Variants in OXR1 observed in about 807,000 individuals in gnomAD.
The protein encoded by OXR1 is oxidation resistance 1.
OXR1 carries 41 observed loss-of-function variants against 104.6 expected under a neutral mutation model. The ratio of observed to expected loss-of-function variants is 0.39; its 90% CI spans 0.31 to 0.51. The LOEUF (loss-of-function observed/expected upper bound fraction) is 0.51. Ranked by LOEUF, OXR1 falls within the 20% of genes least tolerant of loss-of-function variation. The pLI, the probability that OXR1 is intolerant of heterozygous loss-of-function variation, is 0.77. For synonymous variants in OXR1, 348 were observed against 348.4 expected, an observed-to-expected ratio of 1.00 and a Z score of 0.01; for missense variants, 955 against 1,031.9, an observed-to-expected ratio of 0.93 and a Z score of 1.02.
chr8:106,300,611 C>T (rs1813191734), intron 1 of OXR1, among the ~76,000 whole-genome samples: 1 of 152,054 alleles, frequency 6.6e-6, no homozygotes, highest in Non-Finnish European at 1.5e-5. Flanking sequence ...TGCTGTTCTA[C>T]AAATATTCGA....
chr8:106,277,232 A>C (rs1339606371), intron 1 of OXR1, among the ~76,000 whole-genome samples: 1 of 152,232 alleles, frequency 6.6e-6, no homozygotes, highest in African/African-American at 2.4e-5. Flanking sequence ...CATTCTCTTT[A>C]GCACCACCCA....
At chr8:106,283,212 G>A (rs1409823048) in intron 1 of OXR1, among the ~76,000 whole-genome samples, 1 of 152,206 alleles carries the variant, frequency 6.6e-6, no homozygotes, top group Non-Finnish European at 1.5e-5. Context: ...TAGATTCTCT[G>A]TGGGCTTTCT....
intron 1 of OXR1, among the ~76,000 whole-genome samples, chr8:106,316,691 T>TTCTATCTA (rs10610619): frequency 0.017 from 2,237 of 132,268 alleles, 58 homozygotes; most frequent in African/African-American, 0.036. Flanking sequence ...CTCTCTTTTT[T>TTCTATCTA]TCTATCTATC....
rs118126709 is a variant in OXR1 at position 106,394,435 on chromosome 8, T to A, written c.23+34799T>A. 2.8e-4 allele frequency among the ~76,000 whole-genome samples: 43 copies of A among 152,178 alleles called. 1 individual carries two copies. In the East Asian group the frequency reaches 7.5e-3, roughly 27 times the overall value. The stretch of plus-strand genomic sequence containing the variant: ...AATATCCACACCAACACCTGTGCTA[T>A]GATGTTGATAATCATTATCATTAAA... On this transcript the variant is annotated intron_variant, in intron 2 of 16. Coordinates refer to ENST00000517566, the MANE Select transcript of OXR1 (RefSeq NM_001198533.2).
intron 1 of OXR1, among the ~76,000 whole-genome samples, chr8:106,302,742 G>T (rs923926892): frequency 6.6e-6 from 1 of 151,870 alleles, no homozygotes; most frequent in African/African-American, 2.4e-5. Context: ...ACCTGTTTGG[G>T]TTTTTTTGTT....
chr8:106,378,296 G>A (rs1210657400), intron 2 of OXR1, among the ~76,000 whole-genome samples: 2 of 152,258 alleles, frequency 1.3e-5, no homozygotes, highest in East Asian at 3.9e-4. Context: ...AGTGTCAGAG[G>A]TTGTGCTGGG....
At chr8:106,283,204 GA>G (rs1812361317) in intron 1 of OXR1, among the ~76,000 whole-genome samples, 1 of 152,318 alleles carries the variant, frequency 6.6e-6, no homozygotes, top group Admixed American at 6.5e-5. Flanking sequence ...AGCATCTGTA[GA>G]TTCTCTGTGG....
chr8:106,387,159 A>G (rs1460271310), intron 2 of OXR1, among the ~76,000 whole-genome samples: 2 of 152,248 alleles, frequency 1.3e-5, no homozygotes, highest in Non-Finnish European at 2.9e-5. Flanking sequence ...CCTCTTACAT[A>G]TAAATAAGAA....
intron 2 of OXR1, among the ~76,000 whole-genome samples, chr8:106,418,542 T>A (rs947170117): frequency 6.6e-6 from 1 of 151,740 alleles, no homozygotes. Flanking sequence ...CATTTTTTTT[T>A]AAGAGTGCTT....
chr8:106,487,057 T>G, intron 2 of OXR1, among the ~76,000 whole-genome samples: 1 of 145,070 alleles, frequency 6.9e-6, no homozygotes, highest in South Asian at 2.2e-4. Flanking sequence ...AGTGTCTCAC[T>G]CTGTCACCCA....
chr8:106,495,203 G>T (rs1213421312), intron 2 of OXR1, among the ~76,000 whole-genome samples: 2 of 151,848 alleles, frequency 1.3e-5, no homozygotes, highest in Non-Finnish European at 2.9e-5. Flanking sequence ...ATAACATTTT[G>T]AGGAATCTAT....
At chr8:106,619,078 T>G (rs900327545) in intron 3 of OXR1, among the ~76,000 whole-genome samples, 3 of 152,196 alleles carry the variant, frequency 2.0e-5, no homozygotes, top group African/African-American at 7.2e-5. Flanking sequence ...CTCTGCATTA[T>G]TATTTATTTA....
intron 3 of OXR1, among the ~76,000 whole-genome samples, chr8:106,519,621 G>A (rs149042658): frequency 5.6e-4 from 85 of 152,212 alleles, no homozygotes; most frequent in African/African-American, 1.9e-3. Flanking sequence ...AGAAAGTAAC[G>A]TTATTACATT....
At chr8:106,349,681 G>A (rs886532248) in intron 1 of OXR1, among the ~76,000 whole-genome samples, 3 of 152,132 alleles carry the variant, frequency 2.0e-5, no homozygotes, top group African/African-American at 7.2e-5. Flanking sequence ...ATGGATCCAT[G>A]AAGAACAGTG....
At position 106,406,773 on chromosome 8, in the gene OXR1, T is replaced by C. The variant is rs112122942; in HGVS notation, c.23+47137T>C. On this transcript the variant is annotated intron_variant, in intron 2 of 16. Coordinates refer to ENST00000517566, the MANE Select transcript of OXR1 (RefSeq NM_001198533.2). Reference sequence around the variant, plus strand: ...CTCTGAATGATACTATAATGGTGGATACCTGTCATTATACATGTGTCAGAA... The same window carrying C: ...CTCTGAATGATACTATAATGGTGGACACCTGTCATTATACATGTGTCAGAA... Among the ~76,000 whole-genome samples, 558 of 152,318 alleles carry C rather than the reference T, an allele frequency of 3.7e-3. 3 individuals are homozygous for C. The highest frequency in any genetic ancestry group is 0.013 in the African/African-American group (526 of 41,572).
At chr8:106,726,641 A>T (rs1833371092) in intron 11 of OXR1, among the ~76,000 whole-genome samples, 1 of 152,188 alleles carries the variant, frequency 6.6e-6, no homozygotes, top group African/African-American at 2.4e-5. Context: ...TTGCTTGAAA[A>T]TAAATTGAAT....
At chr8:106,560,323 T>C (rs1816585843) in intron 3 of OXR1, among the ~76,000 whole-genome samples, 1 of 152,210 alleles carries the variant, frequency 6.6e-6, no homozygotes, top group Non-Finnish European at 1.5e-5. Context: ...TACAGATTTC[T>C]GCCCTGTAAG....
At chr8:106,440,317 C>T (rs16874646) in intron 2 of OXR1, among the ~76,000 whole-genome samples, 85 of 152,146 alleles carry the variant, frequency 5.6e-4, no homozygotes, top group South Asian at 1.7e-3. Context: ...GCCATATGGA[C>T]GACTGCACAA....
chr8:106,546,215 A>G (rs565116097), intron 3 of OXR1, among the ~76,000 whole-genome samples: 1 of 152,116 alleles, frequency 6.6e-6, no homozygotes, highest in Non-Finnish European at 1.5e-5. Context: ...TACCCACCAC[A>G]GTTTTTGTTA....
Sources: gnomAD v4.1 joint callset for allele counts (sites outside exome capture counted in the v4.1 genomes callset) on GRCh38, gnomAD v4.1.1 for gene constraint, MANE v1.5 for transcripts, NCBI Gene and HGNC (gene_info 2026-07-23, HGNC 2026-07-21) for gene names.